The following CFAP69 variants were observed in gnomAD, a reference collection of about 807,000 sequenced individuals.
CFAP69 encodes the protein cilia- and flagella-associated protein 69.
A neutral mutation model predicts 123.0 loss-of-function variants in CFAP69; 92 were observed. The observed-to-expected ratio is 0.75, with a 90% CI of 0.63 to 0.89. The LOEUF is 0.89. Among genes scored for constraint, CFAP69 ranks in the 40% least tolerant of loss-of-function variants. CFAP69 has a pLI of 0.00. For missense variants in CFAP69, 1,067 were observed against 1,096.9 expected, an observed-to-expected ratio of 0.97 and a Z score of 0.39; for synonymous variants, 380 against 364.3, an observed-to-expected ratio of 1.04 and a Z score of -0.49.
chr7:90,302,343 A>AT (rs1167111175), intron 17 of CFAP69: 1 of 152,028 alleles, frequency 6.6e-6, no homozygotes, highest in African/African-American at 2.4e-5. Context: ...CCATTTGTCA[A>AT]TTTTTGCTTG....
intron 6 of CFAP69, among the ~76,000 whole-genome samples, chr7:90,271,229 ATTGTG>A (rs1799903584): frequency 6.6e-6 from 1 of 152,084 alleles, no homozygotes; most frequent in Non-Finnish European, 1.5e-5. Context: ...TGAAAACAAA[ATTGTG>A]TTAGAACACA....
chr7:90,262,876 T>C (rs11563555), intron 4 of CFAP69, among the ~76,000 whole-genome samples: 1 of 152,086 alleles, frequency 6.6e-6, no homozygotes, highest in Non-Finnish European at 1.5e-5. Flanking sequence ...ATATTTAATA[T>C]GTAACCACTT....
At chr7:90,271,395 C>A in intron 6 of CFAP69, 131 bp from the exon 7 acceptor site, 1 of 930,074 alleles carries the variant, frequency 1.1e-6, no homozygotes, top group Non-Finnish European at 1.6e-6. Context: ...CCCTATGCTG[C>A]GCAATTTTTA....
intron 15 of CFAP69, among the ~76,000 whole-genome samples, chr7:90,289,643 C>T (rs1054175586): frequency 6.6e-6 from 1 of 152,040 alleles, no homozygotes; most frequent in Non-Finnish European, 1.5e-5. Flanking sequence ...TCCAATTTAC[C>T]AGTCTTTTTT....
At position 90,271,615 on chromosome 7, in the gene CFAP69, G is replaced by A. The variant is rs1799961605; in HGVS notation, c.622G>A (p.Glu208Lys). ...KTMVQSMTLL[E>K]NQLVEKLWVL... ...AATGGTCCAGTCAATGACCTTGCTT[G>A]AAAATCAACTTGTTGAGAAACTTTG... Residue 208 changes from glutamate (E) to lysine (K), a missense_variant, in exon 7 of 23, where the codon GAA (glutamate) becomes AAA (lysine). By Grantham distance (56) the Glu-to-Lys change is moderately conservative. Coordinates refer to ENST00000389297, the MANE Select transcript of CFAP69 (RefSeq NM_001039706.3). 6.2e-7 allele frequency: 1 copy of A among 1,613,536 alleles called. No individual in the cohort carries two copies. Among genetic ancestry groups the A allele is most frequent in the Admixed American group, 1.7e-5 (1 of 59,986 alleles).
rs1375478728 is a variant in CFAP69, at chr7:90,245,190, G to A, written c.-235G>A. The A allele has an allele frequency of 1.2e-5, 5 of 431,566 alleles. No individual in the cohort carries two copies. The highest frequency in any genetic ancestry group is 2.0e-5 in the Non-Finnish European group (5 of 255,922). 26.7% of individuals were successfully genotyped at this position (431,566 alleles called of 1,614,324 possible). On this transcript the variant is annotated 5_prime_UTR_variant, in exon 1 of 23. The change creates a new upstream start codon in the 5' untranslated region. Transcript: ENST00000389297. Reference sequence around the variant, plus strand: ...CCGCCCCCTAGCAACGCGCTGGCTTGTGTTAACAACCGGCCCGGGATCAGA... The same window carrying A: ...CCGCCCCCTAGCAACGCGCTGGCTTATGTTAACAACCGGCCCGGGATCAGA...
intron 1 of CFAP69, among the ~76,000 whole-genome samples, chr7:90,253,656 G>T (rs558952002): frequency 6.6e-6 from 1 of 152,120 alleles, no homozygotes; most frequent in Admixed American, 6.6e-5. Context: ...CCTCTCAAGC[G>T]CTGGGATTAT....
intron 14 of CFAP69, 135 bp downstream of exon 14, chr7:90,286,534 T>C (rs923712332): frequency 3.4e-6 from 3 of 881,912 alleles, no homozygotes; most frequent in East Asian, 2.8e-5. Flanking sequence ...CATAATTATA[T>C]AAAGTAAAAG....
Position 90,262,827 on chromosome 7 carries a change from C to T in CFAP69, c.356+771C>T, listed in dbSNP as rs539207536. ...GAAAGGTTTAGTAGAATTATGCATA[C>T]ATGATAGGTTCTAACTCTCACTTTT... On this transcript the variant is annotated intron_variant, in intron 4 of 22. Coordinates refer to ENST00000389297, the MANE Select transcript of CFAP69 (RefSeq NM_001039706.3). 2.6e-5 allele frequency among the ~76,000 whole-genome samples: 4 copies of T among 151,942 alleles called. No homozygotes were observed. In the East Asian group the frequency reaches 7.7e-4, roughly 29 times the overall value.
chr7:90,265,365 A>G lies in CFAP69; in HGVS notation c.421A>G (p.Ile141Val), dbSNP rs1799009986. 7 of 1,608,828 alleles carry G rather than the reference A, an allele frequency of 4.4e-6. No individual in the cohort carries two copies. Among genetic ancestry groups the G allele is most frequent in the Admixed American group, 3.3e-5 (2 of 59,906 alleles). The part of the protein sequence containing the change: ...ITYAEDTANS[I>V]ALLGDLMKIP... Reference sequence around the variant, plus strand: ...TTATGCTGAAGATACTGCTAATTCAATTGCACTTCTGGGTAAGTTAAGATT... The same window carrying G: ...TTATGCTGAAGATACTGCTAATTCAGTTGCACTTCTGGGTAAGTTAAGATT... Residue 141 changes from isoleucine to valine, a missense_variant, in exon 5 of 23, where the codon ATT becomes GTT. Coordinates refer to ENST00000389297, the MANE Select transcript of CFAP69 (RefSeq NM_001039706.3).
chr7:90,309,523 T>A (rs1003219739), intron 22 of CFAP69, among the ~76,000 whole-genome samples, 156 bp downstream of exon 22: 6 of 151,846 alleles, frequency 4.0e-5, no homozygotes, highest in Non-Finnish European at 7.4e-5. Context: ...TCAAAAAAAA[T>A]TTTAAATTTA....
chr7:90,310,269 A>G lies in CFAP69; in HGVS notation c.*31A>G. On this transcript the variant is annotated 3_prime_UTR_variant, in exon 23 of 23. Coordinates refer to ENST00000389297, the MANE Select transcript of CFAP69 (RefSeq NM_001039706.3). ...TATAGAGACTTTTTGAAATAAAGTCAGCTTATAATTTTTTAGCTGAATATA... is the reference window on the plus strand; with the variant it reads ...TATAGAGACTTTTTGAAATAAAGTCGGCTTATAATTTTTTAGCTGAATATA... 1 of 1,529,358 alleles carries G rather than the reference A, an allele frequency of 6.5e-7. No homozygotes were observed. Among genetic ancestry groups the G allele is most frequent in the South Asian group, 1.3e-5 (1 of 76,976 alleles). 94.7% of individuals were successfully genotyped at this position (1,529,358 alleles called of 1,614,324 possible).
chr7:90,268,288 G>T lies in CFAP69; in HGVS notation c.436G>T (p.Asp146Tyr), dbSNP rs772100468. ...GCACCTGTTTATCTTTCTGGCAGGT[G>T]ACTTAATGAAAATACCAAGTTCTGA... ...DTANSIALLG[D>Y]LMKIPSSELR... The change falls in exon 6 of 23, where the codon GAC (aspartate) becomes TAC (tyrosine). Residue 146 changes from aspartate to tyrosine, a missense_variant and splice_region_variant. Asp to Tyr is a radical substitution (Grantham distance 160). Transcript: ENST00000389297. 1.9e-6 allele frequency: 3 copies of T among 1,600,904 alleles called. No homozygotes were observed. The highest frequency in any genetic ancestry group is 2.7e-5 in the African/African-American group (2 of 74,436).
downstream of CFAP69, among the ~76,000 whole-genome samples, chr7:90,314,212 A>C (rs1002159874): frequency 1.3e-5 from 2 of 152,084 alleles, no homozygotes; most frequent in African/African-American, 4.8e-5. Context: ...CAACAATAAC[A>C]AAAAAGGAGC....
chr7:90,274,335 C>G (rs932959314), intron 9 of CFAP69, among the ~76,000 whole-genome samples: 1 of 151,986 alleles, frequency 6.6e-6, no homozygotes, highest in East Asian at 1.9e-4. Flanking sequence ...ATGTATTTAC[C>G]ACTTATGATG....
chr7:90,297,734 T>G lies in CFAP69; in HGVS notation c.1776-15T>G. 1 of 1,504,458 alleles carries G rather than the reference T, an allele frequency of 6.6e-7. No homozygotes were observed. Among genetic ancestry groups the G allele is most frequent in the Non-Finnish European group, 9.1e-7 (1 of 1,103,918 alleles). The allele number at this position is 1,504,458 out of a possible 1,614,324, so 93.2% of individuals were successfully genotyped here. ...ATAAATGTTTGTCAAATGAATAACT[T>G]TCTTTTAATTTAAGGTGCTGTATTT... On this transcript the variant is annotated splice_polypyrimidine_tract_variant and intron_variant, in intron 15 of 22. Transcript: ENST00000389297.
chr7:90,314,861 C>T (rs564587046), downstream of CFAP69, among the ~76,000 whole-genome samples: 3 of 150,972 alleles, frequency 2.0e-5, no homozygotes, highest in South Asian at 2.2e-4. Flanking sequence ...CCAATGCTAT[C>T]GCTCCCCCCC....
rs1796210097 is a variant in CFAP69, at chr7:90,245,461, C to T, written c.37C>T (p.Gln13Ter). ...TEEAGATAEAQESGIRNKSSS... is the reference protein window; with the variant it reads ...TEEAGATAEA Reference sequence around the variant, plus strand: ...GGAAGCCGGGGCGACCGCCGAGGCCCAGGAATCCGGCATCAGGAACAAGTC... The same window carrying T: ...GGAAGCCGGGGCGACCGCCGAGGCCTAGGAATCCGGCATCAGGAACAAGTC... The change falls in exon 1 of 23, where the codon CAG (glutamine) becomes TAG (stop). Residue 13 changes from glutamine to a stop codon, truncating the protein, a stop_gained. Coordinates refer to ENST00000389297, the MANE Select transcript of CFAP69 (RefSeq NM_001039706.3). LOFTEE classifies it high-confidence loss of function. 1 of 1,555,866 alleles carries T rather than the reference C, an allele frequency of 6.4e-7. No individual in the cohort carries two copies. Among genetic ancestry groups the T allele is most frequent in the Non-Finnish European group, 8.7e-7 (1 of 1,154,236 alleles).
At chr7:90,299,803 T>TC in intron 16 of CFAP69, 64 bp from the exon 17 acceptor site, 1 of 1,299,618 alleles carries the variant, frequency 7.7e-7, no homozygotes, top group Non-Finnish European at 1.0e-6. Flanking sequence ...TCTCTTTTTT[T>TC]TTTGAAGACA....
Sources: allele counts gnomAD v4.1 joint callset (sites outside exome capture counted in the v4.1 genomes callset), GRCh38; gene constraint gnomAD v4.1.1; transcripts MANE v1.5; gene names NCBI Gene and HGNC (gene_info 2026-07-23, HGNC 2026-07-21).